The following PPP1R13B variants were observed in gnomAD, a reference collection of about 807,000 sequenced individuals.
PPP1R13B encodes protein phosphatase 1 regulatory subunit 13B, also known as apoptosis-stimulating of p53 protein 1.
PPP1R13B carries 44 observed loss-of-function variants against 119.8 expected under a neutral mutation model. That is an observed-to-expected ratio of 0.37 (90% confidence interval 0.29 to 0.47). The LOEUF (loss-of-function observed/expected upper bound fraction) is 0.47, where lower values mean the gene tolerates loss of function less well. PPP1R13B is among the 20% of genes least tolerant of loss of function. PPP1R13B has a pLI of 0.99. For synonymous variants in PPP1R13B, 542 were observed against 561.5 expected (o/e 0.97, Z 0.49); for missense variants, 1,227 against 1,413.5 (o/e 0.87, Z 2.12).
At chr14:103,839,854 A>C (rs1567164491) in intron 1 of PPP1R13B, among the ~76,000 whole-genome samples, 1 of 152,204 alleles carries the variant, frequency 6.6e-6, no homozygotes. Context: ...AATTACAATC[A>C]CAACATGTGG....
At chr14:103,750,180 AATG>A (rs2084504465) in intron 7 of PPP1R13B, among the ~76,000 whole-genome samples, 1 of 138,276 alleles carries the variant, frequency 7.2e-6, no homozygotes, top group African/African-American at 2.9e-5. Context: ...GACTAGTGCC[AATG>A]ATGATTACAG....
chr14:103,738,275 A>G lies in PPP1R13B; in HGVS notation c.2864+404T>C, dbSNP rs59851270. 0.011 allele frequency: 3,130 copies of G among 274,246 alleles called. 97 individuals carry two copies. The highest frequency in any genetic ancestry group is 0.063 in the African/African-American group (2,889 of 45,788). 17.0% of individuals were successfully genotyped at this position (274,246 alleles called of 1,614,324 possible). ...AGACCAACACGCCTCGCCCAGCAGC[A>G]GAGCTCCCGAAGGCAAACGGAATGA... On this transcript the variant is annotated intron_variant, in intron 14 of 16. Transcript: ENST00000202556. The surrounding 1 kb of genome is among the most constrained non-coding windows in gnomAD (Gnocchi z 5.6).
intron 5 of PPP1R13B, among the ~76,000 whole-genome samples, chr14:103,756,836 G>A (rs2151985785): frequency 6.6e-6 from 1 of 152,084 alleles, no homozygotes; most frequent in Non-Finnish European, 1.5e-5. Flanking sequence ...TCGGCTCACT[G>A]CAAGCTCTGC....
intron 1 of PPP1R13B, among the ~76,000 whole-genome samples, chr14:103,813,457 C>G (rs1485785060): frequency 6.6e-6 from 1 of 152,164 alleles, no homozygotes; most frequent in South Asian, 2.1e-4. Flanking sequence ...ATAATTGGAT[C>G]ATGGGGCGGT....
At chr14:103,781,554 G>A (rs539233026) in intron 3 of PPP1R13B, among the ~76,000 whole-genome samples, 6 of 152,162 alleles carry the variant, frequency 3.9e-5, no homozygotes, top group Non-Finnish European at 4.4e-5. Context: ...TTTTACAAAG[G>A]ATTGTCCTTT....
intron 1 of PPP1R13B, among the ~76,000 whole-genome samples, chr14:103,834,849 T>G (rs1166753890): frequency 1.3e-5 from 2 of 152,126 alleles, no homozygotes; most frequent in Admixed American, 1.3e-4. Context: ...CACCTCGGAC[T>G]CCCAAAATGC....
rs1250097727 is a variant in PPP1R13B at position 103,734,797 on chromosome 14, G to C, written c.*357C>G. 3 of 460,584 alleles carry C rather than the reference G, an allele frequency of 6.5e-6. No individual in the cohort carries two copies. The highest frequency in any genetic ancestry group is 1.3e-5 in the Non-Finnish European group (3 of 232,822). 28.5% of individuals were successfully genotyped at this position (460,584 alleles called of 1,614,324 possible). ...GGCGGACAGTGTTCACTGCTGGAGGGGGTGATGGCCTCGGGGCCAAGTCAG... is the reference window on the plus strand; with the variant it reads ...GGCGGACAGTGTTCACTGCTGGAGGCGGTGATGGCCTCGGGGCCAAGTCAG... On this transcript the variant is annotated 3_prime_UTR_variant, in exon 17 of 17. Coordinates refer to ENST00000202556, the MANE Select transcript of PPP1R13B (RefSeq NM_015316.3).
chr14:103,778,695 T>G (rs538046225), intron 4 of PPP1R13B, 50 bp downstream of exon 4: 2 of 1,452,088 alleles, frequency 1.4e-6, no homozygotes, highest in African/African-American at 1.4e-5. Context: ...TGTAACCCAC[T>G]GCACCTAGCC....
At chr14:103,796,693 A>G (rs1193529145) in intron 2 of PPP1R13B, among the ~76,000 whole-genome samples, 1 of 152,218 alleles carries the variant, frequency 6.6e-6, no homozygotes, top group African/African-American at 2.4e-5. Context: ...GCGGTGGCTC[A>G]TGCCTGTAAT....
Position 103,735,203 on chromosome 14 carries a change from G to A in PPP1R13B, c.3232-8C>T. On this transcript the variant is annotated splice_region_variant and splice_polypyrimidine_tract_variant and intron_variant, in intron 16 of 16. Coordinates refer to ENST00000202556, the MANE Select transcript of PPP1R13B (RefSeq NM_015316.3). ...TTTGATCCGTGGATACAGCTGGGAA[G>A]CAACGGAGCCGCGTCAGGACAGGAA... 2 of 1,613,992 alleles carry A rather than the reference G, an allele frequency of 1.2e-6. No homozygotes were observed. Among genetic ancestry groups the A allele is most frequent in the East Asian group, 2.2e-5 (1 of 44,874 alleles).
chr14:103,840,953 T>A (rs2152087229), intron 1 of PPP1R13B, among the ~76,000 whole-genome samples: 1 of 152,106 alleles, frequency 6.6e-6, no homozygotes, highest in Non-Finnish European at 1.5e-5. Flanking sequence ...TGTAACAAAA[T>A]ATCACATATA....
intron 1 of PPP1R13B, among the ~76,000 whole-genome samples, chr14:103,816,104 T>G (rs1458553471): frequency 6.6e-6 from 1 of 151,490 alleles, no homozygotes; most frequent in Non-Finnish European, 1.5e-5. Flanking sequence ...AACAAAAAAC[T>G]AGCTATGCCA....
chr14:103,810,208 G>T (rs1272490693), intron 1 of PPP1R13B, among the ~76,000 whole-genome samples: 3 of 151,800 alleles, frequency 2.0e-5, no homozygotes, highest in South Asian at 2.1e-4. Flanking sequence ...TGGATCATGA[G>T]GTCTGAAGTT....
intron 1 of PPP1R13B, among the ~76,000 whole-genome samples, chr14:103,816,959 C>T (rs2086296228): frequency 6.6e-6 from 1 of 152,162 alleles, no homozygotes; most frequent in Non-Finnish European, 1.5e-5. Context: ...TTACAAATGA[C>T]TCTATCCATT....
At chr14:103,785,895 C>G (rs546389574) in intron 2 of PPP1R13B, among the ~76,000 whole-genome samples, 1 of 152,104 alleles carries the variant, frequency 6.6e-6, no homozygotes, top group Non-Finnish European at 1.5e-5. Context: ...ATCAGAGGTA[C>G]GAAGGCTGGA....
At chr14:103,803,969 ATAG>A (rs1287336001) in intron 1 of PPP1R13B, 2 of 846,916 alleles carry the variant, frequency 2.4e-6, no homozygotes, top group Non-Finnish European at 2.8e-6. Flanking sequence ...GTGGCTATTT[ATAG>A]TACAACTTTC....
chr14:103,756,388 C>T (rs1405889767), intron 5 of PPP1R13B, among the ~76,000 whole-genome samples: 2 of 152,138 alleles, frequency 1.3e-5, no homozygotes, highest in East Asian at 1.9e-4. Flanking sequence ...CCACGCCCGG[C>T]CAGTTTCAGA....
chr14:103,809,638 T>C (rs2086099176), intron 1 of PPP1R13B, among the ~76,000 whole-genome samples: 1 of 151,788 alleles, frequency 6.6e-6, no homozygotes, highest in African/African-American at 2.4e-5. Context: ...CTGGGCAACA[T>C]GGCGAAACCC....
chr14:103,748,066 TACAC>T (rs58398068), intron 8 of PPP1R13B, among the ~76,000 whole-genome samples: 23,155 of 137,898 alleles, frequency 0.17, 1,847 homozygotes, highest in Non-Finnish European at 0.22. Flanking sequence ...TTAAATCACA[TACAC>T]ACACACACAC....
Sources: allele counts gnomAD v4.1 joint callset (sites outside exome capture counted in the v4.1 genomes callset), GRCh38; gene constraint gnomAD v4.1.1; non-coding constraint Gnocchi (gnomAD v3.1); transcripts MANE v1.5; gene names NCBI Gene and HGNC (gene_info 2026-07-23, HGNC 2026-07-21).